The following ANKRD33B variants were observed in gnomAD, a reference collection of about 807,000 sequenced individuals.
ANKRD33B encodes ankyrin repeat domain 33B.
A neutral mutation model predicts 21.5 loss-of-function variants in ANKRD33B; 6 were observed. That is an observed-to-expected ratio of 0.28 (90% CI 0.15 to 0.55). ANKRD33B has a LOEUF of 0.55. ANKRD33B is among the 20% of genes least tolerant of loss of function. The pLI, the probability that ANKRD33B is intolerant of heterozygous loss-of-function variation, is 0.94. For synonymous variants in ANKRD33B, 347 were observed against 342.4 expected (o/e 1.01, Z -0.15); for missense variants, 698 against 747.2 (o/e 0.93, Z 0.77).
rs188863225 is a variant in ANKRD33B, at chr5:10,570,713, C to T, written c.366+5880C>T. On this transcript the variant is annotated intron_variant, in intron 1 of 3. Transcript: ENST00000296657. ...CTGGGACTATAGGTGCACACCTCCA[C>T]GCCAGGCTAATTTTTATTTATTTTT... 1.1e-4 allele frequency among the ~76,000 whole-genome samples: 17 copies of T among 152,134 alleles called. No homozygotes were observed. In the South Asian group the frequency reaches 2.1e-3, roughly 19 times the overall value.
intron 1 of ANKRD33B, among the ~76,000 whole-genome samples, chr5:10,615,485 A>G (rs1338903614): frequency 6.6e-6 from 1 of 152,230 alleles, no homozygotes; most frequent in Non-Finnish European, 1.5e-5. Flanking sequence ...TCTACCCCAC[A>G]TAGAATAGGA....
intron 3 of ANKRD33B, among the ~76,000 whole-genome samples, chr5:10,646,298 GA>G (rs1398919958): frequency 1.3e-5 from 2 of 152,176 alleles, no homozygotes; most frequent in African/African-American, 4.8e-5. Context: ...TGGCATTTCA[GA>G]AATCCTCTGT....
At chr5:10,594,221 C>CTTTTTTTTTT (rs10658307) in intron 1 of ANKRD33B, among the ~76,000 whole-genome samples, 2 of 83,160 alleles carry the variant, frequency 2.4e-5, no homozygotes, top group African/African-American at 4.9e-5. Context: ...ACACATCCTT[C>CTTTTTTTTTT]TTTTTTTTTT....
chr5:10,632,049 T>C (rs6554590), intron 2 of ANKRD33B, among the ~76,000 whole-genome samples: 64,147 of 151,908 alleles, frequency 0.42, 13,789 homozygotes, highest in Middle Eastern at 0.55. Context: ...ACGAGGCGCA[T>C]TGCCCTTCCA....
rs578025516 is a variant in ANKRD33B, at chr5:10,609,778, AGGCACCTGTAATCTCAGCTACTTG to A, written c.367-8550_367-8527del. On this transcript the variant is annotated intron_variant, in intron 1 of 3. Transcript: ENST00000296657. ...ACAAAAATTAGCCAGGCATGGTGGC[AGGCACCTGTAATCTCAGCTACTTG>A]GGCAGCTGAGGTGGGAGAATCGCTT... Among the ~76,000 whole-genome samples the A allele has an allele frequency of 9.0e-3, 1,373 of 152,206 alleles. 27 individuals carry two copies. Among genetic ancestry groups the A allele is most frequent in the African/African-American group, 0.032 (1,313 of 41,524 alleles).
chr5:10,604,701 A>G (rs1391125002), intron 1 of ANKRD33B, among the ~76,000 whole-genome samples: 2 of 152,064 alleles, frequency 1.3e-5, no homozygotes, highest in African/African-American at 2.4e-5. Context: ...ATTTAATTAT[A>G]TATTGTCTTA....
chr5:10,620,529 C>G (rs780949430), intron 2 of ANKRD33B, among the ~76,000 whole-genome samples: 2 of 152,104 alleles, frequency 1.3e-5, no homozygotes, highest in African/African-American at 4.8e-5. Flanking sequence ...TGAGAATGTA[C>G]GATAAGAGGG....
At chr5:10,598,935 A>G (rs886429402) in intron 1 of ANKRD33B, among the ~76,000 whole-genome samples, 5 of 152,216 alleles carry the variant, frequency 3.3e-5, no homozygotes, top group African/African-American at 9.6e-5. Context: ...GACATATGAT[A>G]AAGTACAGAA....
intron 1 of ANKRD33B, among the ~76,000 whole-genome samples, chr5:10,566,644 G>A (rs1735070311): frequency 6.6e-6 from 1 of 152,210 alleles, no homozygotes; most frequent in Admixed American, 6.5e-5. Flanking sequence ...TTTGAAAACA[G>A]CTGCATTGAA....
chr5:10,590,785 C>T (rs896593985), intron 1 of ANKRD33B, among the ~76,000 whole-genome samples: 1 of 152,040 alleles, frequency 6.6e-6, no homozygotes, highest in Non-Finnish European at 1.5e-5. Flanking sequence ...CACTACTGCT[C>T]TCTGCTTGGT....
chr5:10,598,750 T>C (rs1214248865), intron 1 of ANKRD33B, among the ~76,000 whole-genome samples: 1 of 152,140 alleles, frequency 6.6e-6, no homozygotes, highest in East Asian at 1.9e-4. Context: ...CAATCATATT[T>C]TATGTTAATA....
chr5:10,568,008 T>C (rs1273657109), intron 1 of ANKRD33B, among the ~76,000 whole-genome samples: 1 of 152,176 alleles, frequency 6.6e-6, no homozygotes, highest in African/African-American at 2.4e-5. Flanking sequence ...CTCTGGGCAT[T>C]TAAGAAGGGA....
At chr5:10,647,021 T>C (rs1188792840) in intron 3 of ANKRD33B, among the ~76,000 whole-genome samples, 1 of 152,234 alleles carries the variant, frequency 6.6e-6, no homozygotes, top group Non-Finnish European at 1.5e-5. Context: ...TCCGGTCCCC[T>C]TTGAGCTCAC....
intron 1 of ANKRD33B, among the ~76,000 whole-genome samples, chr5:10,565,364 C>T (rs1343026767): frequency 6.6e-6 from 1 of 152,378 alleles, no homozygotes; most frequent in East Asian, 1.9e-4. Flanking sequence ...TTGGAAGCAA[C>T]AGTTTCTTCC....
At chr5:10,581,464 T>A (rs1455098852) in intron 1 of ANKRD33B, among the ~76,000 whole-genome samples, 1 of 152,230 alleles carries the variant, frequency 6.6e-6, no homozygotes, top group African/African-American at 2.4e-5. Flanking sequence ...CGGGAGCCTC[T>A]TTTTGCTTTT....
chr5:10,646,484 GTTTGTAT>G (rs1737191696), intron 3 of ANKRD33B, among the ~76,000 whole-genome samples: 1 of 152,158 alleles, frequency 6.6e-6, no homozygotes, highest in African/African-American at 2.4e-5. Context: ...TCCTTAGAAT[GTTTGTAT>G]TTTCTGAGAT....
intron 3 of ANKRD33B, among the ~76,000 whole-genome samples, chr5:10,643,685 T>C (rs1476589155): frequency 6.6e-6 from 1 of 152,018 alleles, no homozygotes; most frequent in East Asian, 1.9e-4. Flanking sequence ...CCGGGCATGG[T>C]AGCACAAGCC....
intron 1 of ANKRD33B, among the ~76,000 whole-genome samples, chr5:10,573,102 G>T (rs970065364): frequency 1.3e-5 from 2 of 152,166 alleles, no homozygotes; most frequent in African/African-American, 4.8e-5. Context: ...CTCAATTTCT[G>T]TATCTCTGAC....
At chr5:10,603,857 T>C (rs1483697922) in intron 1 of ANKRD33B, among the ~76,000 whole-genome samples, 1 of 151,314 alleles carries the variant, frequency 6.6e-6, no homozygotes, top group Non-Finnish European at 1.5e-5. Context: ...TAGAAAAATG[T>C]TTTTTTTTAA....
Sources: gnomAD v4.1 joint callset for allele counts (sites outside exome capture counted in the v4.1 genomes callset) on GRCh38, gnomAD v4.1.1 for gene constraint, MANE v1.5 for transcripts, NCBI Gene and HGNC (gene_info 2026-07-23, HGNC 2026-07-21) for gene names.